Variants in SYNE3 observed in about 807,000 individuals in gnomAD.
The protein encoded by SYNE3 is spectrin repeat containing nuclear envelope family member 3, also known as nesprin-3.
SYNE3 carries 100 observed loss-of-function variants against 111.2 expected under a neutral mutation model. The observed-to-expected ratio is 0.90, with a 90% CI of 0.77 to 1.06. The LOEUF (loss-of-function observed/expected upper bound fraction) is 1.06. Ranked by LOEUF, SYNE3 falls within the 50% of genes least tolerant of loss-of-function variation. The pLI is 0.00. For synonymous variants in SYNE3, 547 were observed against 533.9 expected, an observed-to-expected ratio of 1.02 and a Z score of -0.34; for missense variants, 1,160 against 1,240.3, an observed-to-expected ratio of 0.94 and a Z score of 0.97.
At chr14:95,515,262 C>T (rs977954355) in intron 1 of SYNE3, among the ~76,000 whole-genome samples, 4 of 152,230 alleles carry the variant, frequency 2.6e-5, no homozygotes, top group African/African-American at 7.2e-5. Flanking sequence ...GTCAGCCTGC[C>T]GAGCACCGTC....
chr14:95,430,151 T>G (rs1376498314), intron 17 of SYNE3, among the ~76,000 whole-genome samples: 1 of 152,178 alleles, frequency 6.6e-6, no homozygotes, highest in Non-Finnish European at 1.5e-5. Flanking sequence ...CAAAAACATT[T>G]AGTGTGCACT....
In SYNE3 at chr14:95,439,139, T is replaced by C; in HGVS notation, c.2270A>G (p.Gln757Arg). Residue 757 changes from glutamine (Q) to arginine (R), a missense_variant, in exon 14 of 18, where the codon CAG becomes CGG. Transcript: ENST00000682763. ...LLSLIRNWHLQRMEVDSGKKM... is the reference protein window; with the variant it reads ...LLSLIRNWHLRRMEVDSGKKM... ...CTTCCCCGAATCCACTTCCATCCTCTGCAGATGCCAGTTTCTGATGAGGCT... is the reference window on the plus strand; with the variant it reads ...CTTCCCCGAATCCACTTCCATCCTCCGCAGATGCCAGTTTCTGATGAGGCT... 1.2e-6 allele frequency: 2 copies of C among 1,614,248 alleles called. No individual in the cohort carries two copies. The highest frequency in any genetic ancestry group is 1.7e-6 in the Non-Finnish European group (2 of 1,180,048).
chr14:95,449,876 C>G, intron 8 of SYNE3, 55 bp downstream of exon 8: 1 of 1,528,316 alleles, frequency 6.5e-7, no homozygotes, highest in South Asian at 1.2e-5. Flanking sequence ...ACTGAAACAC[C>G]ATGCCCCGCC....
In SYNE3 at chr14:95,439,795, C is replaced by A. The variant is rs976210826; in HGVS notation, c.2074-11G>T. 6.8e-6 allele frequency: 11 copies of A among 1,607,110 alleles called. No individual in the cohort carries two copies. Among genetic ancestry groups the A allele is most frequent in the Admixed American group, 1.7e-5 (1 of 59,668 alleles). On this transcript the variant is annotated splice_polypyrimidine_tract_variant and intron_variant, in intron 12 of 17. Transcript: ENST00000682763. Reference sequence around the variant, plus strand: ...TTCTGCCACCAGCCTCTAAAGGACACACGGACACACAGACACACACACGGT... The same window carrying A: ...TTCTGCCACCAGCCTCTAAAGGACAAACGGACACACAGACACACACACGGT...
intron 4 of SYNE3, among the ~76,000 whole-genome samples, chr14:95,460,669 A>G (rs1887746472): frequency 6.6e-6 from 1 of 152,178 alleles, no homozygotes; most frequent in Non-Finnish European, 1.5e-5. Context: ...CTGCAGCCCT[A>G]AGGATGGCTC....
chr14:95,477,440 T>C (rs2139517779), intron 1 of SYNE3, among the ~76,000 whole-genome samples: 1 of 152,312 alleles, frequency 6.6e-6, no homozygotes. Context: ...CACTTAGAAT[T>C]TACTTTACAA....
chr14:95,412,651 C>G lies in SYNE3; in HGVS notation c.*5175G>C, dbSNP rs1472668545. On this transcript the variant is annotated 3_prime_UTR_variant, in exon 18 of 18. Transcript: ENST00000682763. ...TGGCAGGCTCCTGGCCTCCCCTGAA[C>G]CCAGTTGCCACAACTTTCCACGATG... is the stretch of plus-strand genomic sequence containing the variant. 6.6e-6 allele frequency: 1 copy of G among 152,248 alleles called. No homozygotes were observed. The highest frequency in any genetic ancestry group is 6.5e-5 in the Admixed American group (1 of 15,284). The allele number at this position is 152,248 out of a possible 1,614,324, so 9.4% of individuals were successfully genotyped here. A position where few individuals can be genotyped will look rare whatever the true frequency, so the allele number is the denominator to read the frequency against.
At chr14:95,444,718 C>A in intron 9 of SYNE3, 90 bp from the exon 10 acceptor site, 1 of 1,446,816 alleles carries the variant, frequency 6.9e-7, no homozygotes, top group African/African-American at 1.4e-5. Context: ...GGCTGCTCTT[C>A]GTCTCGGCCA....
In SYNE3 at chr14:95,409,930, T is replaced by C. The variant is rs1046696367; in HGVS notation, c.*7896A>G. The C allele has an allele frequency of 9.5e-5, 15 of 157,802 alleles. No homozygotes were observed. The highest frequency in any genetic ancestry group is 3.6e-4 in the African/African-American group (15 of 41,480). The allele number at this position is 157,802 out of a possible 1,614,324, so 9.8% of individuals were successfully genotyped here. A position where few individuals can be genotyped will look rare whatever the true frequency, so the allele number is the denominator to read the frequency against. On this transcript the variant is annotated 3_prime_UTR_variant, in exon 18 of 18. Transcript: ENST00000682763. ...CCTGGAAAGGCTCAGAGATCCTCAT[T>C]TTCCAAGATTTGCACCCAGGAGCTC...
chr14:95,455,531 C>T lies in SYNE3; in HGVS notation c.983G>A (p.Arg328Gln), dbSNP rs746062749. 16 of 1,613,778 alleles carry T rather than the reference C, an allele frequency of 9.9e-6. No homozygotes were observed. The highest frequency in any genetic ancestry group is 6.7e-5 in the Admixed American group (4 of 60,008). ...EEEERLRGLL[R>Q]SRGAWEQQIK... is the part of the protein sequence containing the mutation. ...CTGCTGCTCCCAGGCTCCCCTGGAC[C>T]GGAGCAGGCCCCGCAGCCGCTCCTC... The change falls in exon 6 of 18, where the codon CGG (arginine) becomes CAG (glutamine). Residue 328 changes from arginine (R) to glutamine (Q), a missense_variant. By Grantham distance (43) the Arg-to-Gln change is conservative. Coordinates refer to ENST00000682763, the MANE Select transcript of SYNE3 (RefSeq NM_152592.6).
intron 1 of SYNE3, among the ~76,000 whole-genome samples, chr14:95,497,685 C>T (rs1885424): frequency 0.65 from 98,617 of 152,026 alleles, 32,573 homozygotes; most frequent in African/African-American, 0.78. Context: ...ATATGGTCTC[C>T]GTCACATCTC....
intron 1 of SYNE3, among the ~76,000 whole-genome samples, chr14:95,509,406 G>A (rs1566692168): frequency 2.0e-5 from 3 of 152,154 alleles, no homozygotes; most frequent in Admixed American, 2.0e-4. Context: ...GGATAAGCAG[G>A]GAGTCACCTA....
intron 4 of SYNE3, among the ~76,000 whole-genome samples, chr14:95,461,310 G>C (rs937157359): frequency 5.3e-5 from 8 of 152,350 alleles, no homozygotes; most frequent in African/African-American, 1.9e-4. Context: ...GAAGCAGCGG[G>C]GGTGAGGATG....
intron 1 of SYNE3, among the ~76,000 whole-genome samples, chr14:95,505,873 A>G (rs1890508377): frequency 6.6e-6 from 1 of 152,178 alleles, no homozygotes; most frequent in Non-Finnish European, 1.5e-5. Flanking sequence ...ACAGATTAGC[A>G]TGTCACTGAG....
At chr14:95,473,611 G>A (rs539601269) in intron 2 of SYNE3, among the ~76,000 whole-genome samples, 48 of 152,318 alleles carry the variant, frequency 3.2e-4, no homozygotes, top group African/African-American at 1.1e-3. Context: ...TCAAAGGAGG[G>A]CGTGAGCTTG....
intron 17 of SYNE3, among the ~76,000 whole-genome samples, chr14:95,419,398 C>A (rs983409742): frequency 3.3e-5 from 5 of 151,930 alleles, no homozygotes; most frequent in African/African-American, 1.2e-4. Flanking sequence ...TATATATATA[C>A]CTTGATTGAT....
At chr14:95,420,627 C>T (rs1278019794) in intron 17 of SYNE3, among the ~76,000 whole-genome samples, 1 of 152,168 alleles carries the variant, frequency 6.6e-6, no homozygotes, top group African/African-American at 2.4e-5. Context: ...ACTTAGACCT[C>T]ACGTCCTCAC....
At chr14:95,451,956 A>G (rs1887111174) in intron 7 of SYNE3, 2 of 235,924 alleles carry the variant, frequency 8.5e-6, no homozygotes, top group Non-Finnish European at 1.6e-5. Flanking sequence ...CCTTTGGGCC[A>G]TCACCCCTCC....
At chr14:95,421,258 G>A (rs957769768) in intron 17 of SYNE3, among the ~76,000 whole-genome samples, 2 of 152,136 alleles carry the variant, frequency 1.3e-5, no homozygotes, top group African/African-American at 4.8e-5. Flanking sequence ...CATGGGGGTG[G>A]GGAGGGAGTA....
Sources: allele counts gnomAD v4.1 joint callset (sites outside exome capture counted in the v4.1 genomes callset), GRCh38; gene constraint gnomAD v4.1.1; transcripts MANE v1.5; gene names NCBI Gene and HGNC (gene_info 2026-07-23, HGNC 2026-07-21).